Variants in CREB3L2 observed in about 807,000 individuals in gnomAD.
CREB3L2 encodes cAMP responsive element binding protein 3 like 2.
A neutral mutation model predicts 57.2 loss-of-function variants in CREB3L2; 23 were observed. The ratio of observed to expected loss-of-function variants is 0.40; its 90% CI spans 0.29 to 0.57. The LOEUF is 0.57. Ranked by LOEUF, CREB3L2 falls within the 20% of genes least tolerant of loss-of-function variation. The pLI is 0.42. For synonymous variants in CREB3L2, 268 were observed against 265.1 expected, an observed-to-expected ratio of 1.01 and a Z score of -0.11; for missense variants, 628 against 634.7, an observed-to-expected ratio of 0.99 and a Z score of 0.11.
chr7:137,908,128 A>T, intron 5 of CREB3L2, 124 bp downstream of exon 5: 1 of 635,672 alleles, frequency 1.6e-6, no homozygotes, highest in Non-Finnish European at 2.3e-6. Context: ...TTTCGCCATT[A>T]AGCAGAAACT....
intron 1 of CREB3L2, among the ~76,000 whole-genome samples, chr7:137,945,613 T>G (rs1284183820): frequency 6.6e-6 from 1 of 152,246 alleles, no homozygotes; most frequent in African/African-American, 2.4e-5. Context: ...CAGATCCTTT[T>G]TCCTCTGACA....
At position 137,877,139 on chromosome 7, in the gene CREB3L2, C is replaced by T. The variant is rs1047551361; in HGVS notation, c.*3337G>A. 1.8e-5 allele frequency: 4 copies of T among 227,754 alleles called. No homozygotes were observed. The highest frequency in any genetic ancestry group is 1.8e-4 in the South Asian group (1 of 5,468). 14.1% of individuals were successfully genotyped at this position (227,754 alleles called of 1,614,324 possible). On this transcript the variant is annotated 3_prime_UTR_variant, in exon 12 of 12. Transcript: ENST00000330387. ...GAGCCAATTCAACATCCCAACTTTA[C>T]GGGCACGTAAGATTCACAAGCTGAA...
At chr7:137,947,092 C>CT (rs1478693132) in intron 1 of CREB3L2, among the ~76,000 whole-genome samples, 1 of 148,084 alleles carries the variant, frequency 6.8e-6, no homozygotes, top group African/African-American at 2.6e-5. Flanking sequence ...CTAGCGCTCT[C>CT]TCTCTCTCTC....
chr7:137,954,601 C>T (rs1220638054), intron 1 of CREB3L2, among the ~76,000 whole-genome samples: 1 of 152,192 alleles, frequency 6.6e-6, no homozygotes, highest in Non-Finnish European at 1.5e-5. Context: ...AGGAGCACTC[C>T]TATTTTTTAA....
chr7:137,894,327 T>C (rs1799577456), intron 8 of CREB3L2, among the ~76,000 whole-genome samples: 1 of 152,204 alleles, frequency 6.6e-6, no homozygotes. Context: ...GATACATATA[T>C]GCTGCTGCTC....
intron 1 of CREB3L2, among the ~76,000 whole-genome samples, chr7:137,951,991 A>C (rs1405658876): frequency 6.6e-6 from 1 of 152,194 alleles, no homozygotes; most frequent in East Asian, 1.9e-4. Context: ...CCTAGTCTTC[A>C]AGAAATATAC....
At chr7:137,894,586 G>A (rs901282128) in intron 8 of CREB3L2, among the ~76,000 whole-genome samples, 1 of 152,142 alleles carries the variant, frequency 6.6e-6, no homozygotes, top group Non-Finnish European at 1.5e-5. Flanking sequence ...GTCCACATAG[G>A]CCCTGGAAAT....
chr7:137,876,700 C>A lies in CREB3L2; in HGVS notation c.*3776G>T, dbSNP rs1799163684. On this transcript the variant is annotated 3_prime_UTR_variant, in exon 12 of 12. Transcript: ENST00000330387. ...TAAAATGACTCTCAAGAGGGCACTACCTGCCCATGGCTTCACAGGTCCAGC... is the reference window on the plus strand; with the variant it reads ...TAAAATGACTCTCAAGAGGGCACTAACTGCCCATGGCTTCACAGGTCCAGC... 8.6e-6 allele frequency: 2 copies of A among 232,334 alleles called. No individual in the cohort carries two copies. The highest frequency in any genetic ancestry group is 1.7e-5 in the Non-Finnish European group (2 of 117,636). 14.4% of individuals were successfully genotyped at this position (232,334 alleles called of 1,614,324 possible). A position where few individuals can be genotyped will look rare whatever the true frequency, so the allele number is the denominator to read the frequency against.
intron 1 of CREB3L2, among the ~76,000 whole-genome samples, chr7:137,968,434 C>G (rs2117295872): frequency 6.6e-6 from 1 of 152,218 alleles, no homozygotes; most frequent in South Asian, 2.1e-4. Context: ...ACGTTCAACT[C>G]CCACTTACGA....
intron 1 of CREB3L2, among the ~76,000 whole-genome samples, chr7:137,968,049 A>G (rs1429744769): frequency 6.6e-6 from 1 of 152,218 alleles, no homozygotes; most frequent in Non-Finnish European, 1.5e-5. Context: ...AAGATCACAC[A>G]GCCAGTCAGT....
intron 1 of CREB3L2, among the ~76,000 whole-genome samples, chr7:137,946,400 A>G (rs1028202360): frequency 6.6e-6 from 1 of 151,802 alleles, no homozygotes; most frequent in African/African-American, 2.4e-5. Flanking sequence ...TGGAAGAGGC[A>G]AACCACTAGA....
At position 137,930,646 on chromosome 7, in the gene CREB3L2, G is replaced by C. The variant is rs571548095; in HGVS notation, c.103-2280C>G. ...TGAAATTCACTGACATCACAAACAC[G>C]GGACATGGCATTTCATCAGGACAGA... On this transcript the variant is annotated intron_variant, in intron 1 of 11. Coordinates refer to ENST00000330387, the MANE Select transcript of CREB3L2 (RefSeq NM_194071.4). Among the ~76,000 whole-genome samples the C allele has an allele frequency of 7.9e-5, 12 of 152,272 alleles. No homozygotes were observed. The East Asian group carries it at 2.3e-3, about 29-fold the overall frequency.
Position 137,905,851 on chromosome 7 carries a change from G to A in CREB3L2, c.769-3C>T, listed in dbSNP as rs976303315. The A allele has an allele frequency of 1.9e-6, 3 of 1,605,016 alleles. No homozygotes were observed. The highest frequency in any genetic ancestry group is 1.3e-5 in the African/African-American group (1 of 74,422). ...AGAGGGCCTGATCCCTGCAGTTTCT[G>A]TGCAGACCAAGGAGCAGAAAAGGGT... On this transcript the variant is annotated splice_polypyrimidine_tract_variant and splice_region_variant and intron_variant, in intron 5 of 11. Coordinates refer to ENST00000330387, the MANE Select transcript of CREB3L2 (RefSeq NM_194071.4).
intron 1 of CREB3L2, among the ~76,000 whole-genome samples, chr7:137,956,377 C>T (rs274003): frequency 0.36 from 55,482 of 152,114 alleles, 12,476 homozygotes; most frequent in East Asian, 0.79. Flanking sequence ...CCAACTACCA[C>T]TCTTGCCAGA....
intron 2 of CREB3L2, among the ~76,000 whole-genome samples, chr7:137,924,654 T>G (rs1399196685): frequency 6.6e-6 from 1 of 152,200 alleles, no homozygotes; most frequent in Non-Finnish European, 1.5e-5. Context: ...CCTTTTTTTT[T>G]GGTGTTTTCT....
At position 137,885,055 on chromosome 7, in the gene CREB3L2, CAGA is replaced by C. The variant is rs1799383022; in HGVS notation, c.1207_1209del (p.Ser403del). 3 of 1,614,062 alleles carry C rather than the reference CAGA, an allele frequency of 1.9e-6. No individual in the cohort carries two copies. Among genetic ancestry groups the C allele is most frequent in the East Asian group, 2.2e-5 (1 of 44,892 alleles). ...TGGCTGGGCAGAGCCATCTTGGTGG[CAGA>C]AGGATAGGGCCCGTAGCCTTGAAAG... is the stretch of plus-strand genomic sequence containing the variant. On this transcript the variant is annotated inframe_deletion, in exon 10 of 12. Coordinates refer to ENST00000330387, the MANE Select transcript of CREB3L2 (RefSeq NM_194071.4).
intron 1 of CREB3L2, among the ~76,000 whole-genome samples, chr7:137,984,506 G>A (rs990596377): frequency 3.3e-5 from 5 of 152,342 alleles, no homozygotes; most frequent in African/African-American, 1.2e-4. Context: ...CTCACGGGAA[G>A]GGCCCCGTTG....
intron 1 of CREB3L2, among the ~76,000 whole-genome samples, chr7:137,938,949 A>T (rs767835112): frequency 6.6e-6 from 1 of 152,200 alleles, no homozygotes; most frequent in African/African-American, 2.4e-5. Context: ...GTGGCTCCTG[A>T]TAACAAAGGA....
Position 137,880,519 on chromosome 7 carries a change from A to G in CREB3L2, c.1520T>C (p.Leu507Pro). The G allele has an allele frequency of 6.2e-7, 1 of 1,613,994 alleles. No homozygotes were observed. Among genetic ancestry groups the G allele is most frequent in the South Asian group, 1.1e-5 (1 of 91,018 alleles). ...TCTTCTGTCGAGTTCTACAACTTTT[A>G]GTGTTTCATTCCCCTCCAGTTTGGC... is the stretch of plus-strand genomic sequence containing the variant. ...VSAKLEGNET[L>P]KVVELDRRVN... Residue 507 changes from leucine (L) to proline (P), a missense_variant, in exon 12 of 12, where the codon CTA becomes CCA. Physicochemically the swap from Leu to Pro is moderately conservative, Grantham distance 98. Coordinates refer to ENST00000330387, the MANE Select transcript of CREB3L2 (RefSeq NM_194071.4). The surrounding 1 kb of genome is among the most constrained non-coding windows in gnomAD (Gnocchi z 4.0).
Sources: allele counts gnomAD v4.1 joint callset (sites outside exome capture counted in the v4.1 genomes callset), GRCh38; gene constraint gnomAD v4.1.1; non-coding constraint Gnocchi (gnomAD v3.1); transcripts MANE v1.5; gene names NCBI Gene and HGNC (gene_info 2026-07-23, HGNC 2026-07-21).